SLC27A1: variants seen among roughly 807,000 people sequenced by gnomAD.
The protein encoded by SLC27A1 is solute carrier family 27 member 1, also known as long-chain fatty acid transport protein 1.
A neutral mutation model predicts 62.2 loss-of-function variants in SLC27A1; 61 were observed. The ratio of observed to expected loss-of-function variants is 0.98; its 90% CI spans 0.80 to 1.21. The LOEUF is 1.21. Among genes scored for constraint, SLC27A1 ranks in the 50% most tolerant of loss-of-function variants. SLC27A1 has a pLI of 0.00. For missense variants in SLC27A1, 903 were observed against 932.1 expected, an observed-to-expected ratio of 0.97 and a Z score of 0.41; for synonymous variants, 435 against 408.6, an observed-to-expected ratio of 1.06 and a Z score of -0.78.
chr19:17,482,060 T>C (rs1207698442), intron 1 of SLC27A1, among the ~76,000 whole-genome samples: 1 of 152,142 alleles, frequency 6.6e-6, no homozygotes. Context: ...AGATTATTTG[T>C]AGCAAGCTCT....
At position 17,503,898 on chromosome 19, in the gene SLC27A1, C is replaced by T. The variant is rs1024461554; in HGVS notation, c.1784-557C>T. On this transcript the variant is annotated intron_variant, in intron 11 of 11. Coordinates refer to ENST00000252595, the MANE Select transcript of SLC27A1 (RefSeq NM_198580.3). ...AGTGAGCCGAGATCACACCACTGCA[C>T]TCCAGCCTGGGTGACAAAGCAAGAC... Among the ~76,000 whole-genome samples the T allele has an allele frequency of 2.1e-5, 3 of 143,938 alleles. No individual in the cohort carries two copies. The East Asian group carries it at 6.2e-4, about 30-fold the overall frequency. 94.4% of individuals were successfully genotyped at this position (143,938 alleles called of 152,430 possible).
At chr19:17,484,757 C>T (rs114504025) in intron 1 of SLC27A1, among the ~76,000 whole-genome samples, 107 of 152,134 alleles carry the variant, frequency 7.0e-4, no homozygotes, top group African/African-American at 2.1e-3. Context: ...AATGAATGAC[C>T]GAGAGGATGA....
chr19:17,479,092 G>C (rs574574282), intron 1 of SLC27A1, among the ~76,000 whole-genome samples: 157 of 152,074 alleles, frequency 1.0e-3, no homozygotes, highest in Non-Finnish European at 8.2e-4. Context: ...GTGAGACCCT[G>C]TCTCTAAACA....
chr19:17,488,438 C>T (rs1327068604), intron 4 of SLC27A1, among the ~76,000 whole-genome samples: 1 of 152,194 alleles, frequency 6.6e-6, no homozygotes, highest in Non-Finnish European at 1.5e-5. Context: ...ATTTTCCTCC[C>T]CTTCACCCCG....
At chr19:17,490,395 C>G (rs769132911) in intron 6 of SLC27A1, among the ~76,000 whole-genome samples, 14 of 152,072 alleles carry the variant, frequency 9.2e-5, no homozygotes, top group Non-Finnish European at 1.9e-4. Context: ...TTCAAGCAAT[C>G]CACCCACCTC....
rs1203495143 is a variant in SLC27A1 at position 17,505,468 on chromosome 19, G to A, written c.*856G>A. 1 of 153,828 alleles carries A rather than the reference G, an allele frequency of 6.5e-6. No homozygotes were observed. The highest frequency in any genetic ancestry group is 1.4e-5 in the Non-Finnish European group (1 of 68,968). The allele number at this position is 153,828 out of a possible 1,614,324, so 9.5% of individuals were successfully genotyped here. A position where few individuals can be genotyped will look rare whatever the true frequency, so the allele number is the denominator to read the frequency against. On this transcript the variant is annotated 3_prime_UTR_variant, in exon 12 of 12. Coordinates refer to ENST00000252595, the MANE Select transcript of SLC27A1 (RefSeq NM_198580.3). ...GAATGGAGGAGCCGGGGGTCCCCCA[G>A]GCCAACTGGAAAATCTCCCAGGCTA...
At chr19:17,493,237 C>T (rs1367586538) in intron 6 of SLC27A1, among the ~76,000 whole-genome samples, 1 of 151,704 alleles carries the variant, frequency 6.6e-6, no homozygotes, top group African/African-American at 2.4e-5. Context: ...AGTTCAAGAC[C>T]AGCCTGGCCA....
At position 17,499,994 on chromosome 19, in the gene SLC27A1, A is replaced by G. The variant is rs542042856; in HGVS notation, c.1207-284A>G. On this transcript the variant is annotated intron_variant, in intron 7 of 11. Transcript: ENST00000252595. ...TGTCTGACGTAGCTGTAGTGTCCAC[A>G]CAGAGGCATCTACTTCCTGCCAGCA... The G allele has an allele frequency of 2.9e-4, 138 of 481,276 alleles. 2 individuals are homozygous for G. In the South Asian group the frequency reaches 3.1e-3, roughly 11 times the overall value. 29.8% of individuals were successfully genotyped at this position (481,276 alleles called of 1,614,324 possible).
At chr19:17,484,642 T>G (rs1599649694) in intron 1 of SLC27A1, among the ~76,000 whole-genome samples, 1 of 145,830 alleles carries the variant, frequency 6.9e-6, no homozygotes, top group Admixed American at 6.9e-5. Flanking sequence ...AGGGAAAGAG[T>G]GAGTGAAGTA....
At chr19:17,494,321 C>A (rs367975817) in intron 6 of SLC27A1, among the ~76,000 whole-genome samples, 3 of 150,516 alleles carry the variant, frequency 2.0e-5, no homozygotes, top group African/African-American at 4.9e-5. Context: ...CCGTGCCTGG[C>A]CTTTTTCTTT....
intron 11 of SLC27A1, among the ~76,000 whole-genome samples, chr19:17,502,361 T>G (rs933272739): frequency 1.4e-4 from 16 of 112,950 alleles, no homozygotes; most frequent in African/African-American, 4.9e-4. Flanking sequence ...TTTTTTTTTT[T>G]TTTTTTTTGA....
chr19:17,497,564 G>A, intron 7 of SLC27A1, 100 bp downstream of exon 7: 1 of 1,123,022 alleles, frequency 8.9e-7, no homozygotes, highest in Non-Finnish European at 1.3e-6. Flanking sequence ...GCCTGGACTG[G>A]CGCGGAAGGC....
At chr19:17,472,143 C>T (rs912162271) in intron 1 of SLC27A1, among the ~76,000 whole-genome samples, 14 of 152,122 alleles carry the variant, frequency 9.2e-5, no homozygotes, top group Non-Finnish European at 2.1e-4. Flanking sequence ...GCCTGTAATC[C>T]CAGCACTTTG....
upstream of SLC27A1, among the ~76,000 whole-genome samples, chr19:17,469,738 G>C (rs2075055117): frequency 6.6e-6 from 1 of 151,556 alleles, no homozygotes; most frequent in Non-Finnish European, 1.5e-5. Flanking sequence ...TAGGGGGGCC[G>C]GAGTGAAACC....
chr19:17,500,034 G>A lies in SLC27A1; in HGVS notation c.1207-244G>A, dbSNP rs921089818. 11 of 567,218 alleles carry A rather than the reference G, an allele frequency of 1.9e-5. No homozygotes were observed. The African/African-American group carries it at 2.1e-4, about 11-fold the overall frequency. The allele number at this position is 567,218 out of a possible 1,614,324, so 35.1% of individuals were successfully genotyped here. A position where few individuals can be genotyped will look rare whatever the true frequency, so the allele number is the denominator to read the frequency against. ...TCCTGCCAGCATGGAGGGTTTTGTG[G>A]ATCAGGAAGTGGGTGCCAGCCAGAG... On this transcript the variant is annotated intron_variant, in intron 7 of 11. Transcript: ENST00000252595.
chr19:17,494,827 A>C (rs2075331962), intron 6 of SLC27A1, among the ~76,000 whole-genome samples: 1 of 150,572 alleles, frequency 6.6e-6, no homozygotes, highest in Non-Finnish European at 1.5e-5. Flanking sequence ...AACGTAGAGT[A>C]GCTACTCACC....
rs150070884 is a variant in SLC27A1 at position 17,475,437 on chromosome 19, G to A, written c.167+4730G>A. 6.9e-3 allele frequency among the ~76,000 whole-genome samples: 1,056 copies of A among 152,220 alleles called. 14 individuals carry two copies. The highest frequency in any genetic ancestry group is 0.024 in the African/African-American group (999 of 41,540). ...TGTGGTCCCAGCTACTCAGGAGGCT[G>A]AGTGGGAGGATTGCTTGAGTCCAGG... On this transcript the variant is annotated intron_variant, in intron 1 of 11. Transcript: ENST00000252595.
At chr19:17,473,571 A>G (rs895136666) in intron 1 of SLC27A1, among the ~76,000 whole-genome samples, 1 of 152,182 alleles carries the variant, frequency 6.6e-6, no homozygotes, top group Non-Finnish European at 1.5e-5. Context: ...ATTAATAAAA[A>G]ATTAACTCGG....
rs554944645 is a variant in SLC27A1, at chr19:17,500,553, T to C, written c.1392T>C (p.Asp464=). 4 of 1,613,790 alleles carry C rather than the reference T, an allele frequency of 2.5e-6. No individual in the cohort carries two copies. In the African/African-American group the frequency reaches 4.0e-5, roughly 16 times the overall value. Reference sequence around the variant, plus strand: ...AACAGGACCCGCTGCGCCGCTTCGATGGCTATGTCAGCGAGAGCGCCACCA... The same window carrying C: ...AACAGGACCCGCTGCGCCGCTTCGACGGCTATGTCAGCGAGAGCGCCACCA... ...INQQDPLRRF[D]GYVSESATSK... Residue 464 remains aspartate (D), a synonymous_variant, in exon 9 of 12, where the codon GAT becomes GAC. Coordinates refer to ENST00000252595, the MANE Select transcript of SLC27A1 (RefSeq NM_198580.3).
Sources: allele counts gnomAD v4.1 joint callset (sites outside exome capture counted in the v4.1 genomes callset), GRCh38; gene constraint gnomAD v4.1.1; transcripts MANE v1.5; gene names NCBI Gene and HGNC (gene_info 2026-07-23, HGNC 2026-07-21).